MMP16: variants seen among roughly 807,000 people sequenced by gnomAD.
MMP16 encodes matrix metalloproteinase-16.
MMP16 carries 12 observed loss-of-function variants against 67.8 expected under a neutral mutation model. The observed-to-expected ratio is 0.18, with a 90% CI of 0.11 to 0.29. MMP16 has a LOEUF of 0.29. MMP16 is among the 10% of genes least tolerant of loss of function. The probability of loss-of-function intolerance (pLI) is 1.00; values close to 1 mark genes in which losing one functional copy is unlikely to be tolerated. For missense variants in MMP16, 475 were observed against 765.7 expected, an observed-to-expected ratio of 0.62 and a Z score of 4.48; for synonymous variants, 249 against 255.9, an observed-to-expected ratio of 0.97 and a Z score of 0.26.
intron 1 of MMP16, among the ~76,000 whole-genome samples, chr8:88,220,262 G>C (rs912749735): frequency 2.6e-5 from 4 of 152,004 alleles, no homozygotes; most frequent in African/African-American, 4.8e-5. Flanking sequence ...TTTATAGCTT[G>C]CTTTCACTAG....
In MMP16 at chr8:88,294,390, A is replaced by C. The variant is rs115675955; in HGVS notation, c.132+32685T>G. On this transcript the variant is annotated intron_variant, in intron 1 of 9. Coordinates refer to ENST00000286614, the MANE Select transcript of MMP16 (RefSeq NM_005941.5). ...GATATACACACATCTATACACACATATATACATATGTATATACATATATAC... is the reference window on the plus strand; with the variant it reads ...GATATACACACATCTATACACACATCTATACATATGTATATACATATATAC... Among the ~76,000 whole-genome samples the C allele has an allele frequency of 7.4e-3, 1,110 of 151,006 alleles. 10 individuals carry two copies. The highest frequency in any genetic ancestry group is 0.026 in the African/African-American group (1,058 of 41,044).
At chr8:88,284,452 G>T (rs1461813503) in intron 1 of MMP16, among the ~76,000 whole-genome samples, 1 of 151,974 alleles carries the variant, frequency 6.6e-6, no homozygotes, top group African/African-American at 2.4e-5. Context: ...CTGACTTTAA[G>T]AGAGAAGTTA....
chr8:88,245,155 T>C (rs1233169593), intron 1 of MMP16, among the ~76,000 whole-genome samples: 1 of 152,218 alleles, frequency 6.6e-6, no homozygotes, highest in Non-Finnish European at 1.5e-5. Context: ...CTAAAAGGTG[T>C]GACTCTCAAT....
At chr8:88,281,326 A>G (rs1810732341) in intron 1 of MMP16, among the ~76,000 whole-genome samples, 1 of 152,242 alleles carries the variant, frequency 6.6e-6, no homozygotes, top group Non-Finnish European at 1.5e-5. Context: ...GAGATCATGG[A>G]TGATGAGCTC....
At chr8:88,116,479 TAAA>T in intron 6 of MMP16, 25 bp downstream of exon 6, 1 of 1,267,508 alleles carries the variant, frequency 7.9e-7, no homozygotes, top group Admixed American at 2.0e-5. Flanking sequence ...GATCTACTGT[TAAA>T]AAAAAAAAAA....
rs1331588185 is a variant in MMP16, at chr8:88,035,350, T to G, written c.*6111A>C. 6.6e-6 allele frequency: 1 copy of G among 152,124 alleles called. No homozygotes were observed. The highest frequency in any genetic ancestry group is 6.6e-5 in the Admixed American group (1 of 15,244). 9.4% of individuals were successfully genotyped at this position (152,124 alleles called of 1,614,324 possible). A position where few individuals can be genotyped will look rare whatever the true frequency, so the allele number is the denominator to read the frequency against. ...ATGTATTTTCCTATACTGTTCAATG[T>G]GCCCTTTAATGTGAGGACACGCTGA... On this transcript the variant is annotated 3_prime_UTR_variant, in exon 10 of 10. Coordinates refer to ENST00000286614, the MANE Select transcript of MMP16 (RefSeq NM_005941.5). The surrounding 1 kb of genome is among the most constrained non-coding windows in gnomAD (Gnocchi z 4.7).
At chr8:88,138,336 T>C (rs1563543068) in intron 4 of MMP16, among the ~76,000 whole-genome samples, 1 of 152,016 alleles carries the variant, frequency 6.6e-6, no homozygotes, top group African/African-American at 2.4e-5. Context: ...TGTGCTAATG[T>C]AGTGCTTCCC....
At chr8:88,189,761 T>C (rs1406205527) in intron 2 of MMP16, among the ~76,000 whole-genome samples, 1 of 152,180 alleles carries the variant, frequency 6.6e-6, no homozygotes, top group Admixed American at 6.5e-5. Context: ...TTGTTCACCC[T>C]GAGAATCCTA....
chr8:88,074,655 C>T lies in MMP16; in HGVS notation c.1172G>A (p.Ser391Asn), dbSNP rs1057492560. ...GCTATTTTCATAAACTGCATCGATA[C>T]TAGGAGGCAAGCCCCGCCAGAAGTA... The part of the protein sequence containing the change: ...ITYFWRGLPP[S>N]IDAVYENSDG... The change falls in exon 7 of 10, where the codon AGT (serine) becomes AAT (asparagine). Residue 391 changes from serine to asparagine, a missense_variant. Around this residue, in one of 5 missense-constraint regions of MMP16, gnomAD observed 195 missense variants for 300.9 expected, o/e 0.65. Transcript: ENST00000286614. The T allele has an allele frequency of 1.9e-6, 3 of 1,613,568 alleles. No individual in the cohort carries two copies. The highest frequency in any genetic ancestry group is 2.7e-5 in the African/African-American group (2 of 74,854).
At position 88,096,628 on chromosome 8, in the gene MMP16, G is replaced by T. The variant is rs141761988; in HGVS notation, c.1083+19879C>A. Among the ~76,000 whole-genome samples, 848 of 151,914 alleles carry T rather than the reference G, an allele frequency of 5.6e-3. 5 individuals are homozygous for T. Among genetic ancestry groups the T allele is most frequent in the South Asian group, 0.013 (61 of 4,826 alleles). On this transcript the variant is annotated intron_variant, in intron 6 of 9. Transcript: ENST00000286614. ...TGAGGCCTTAGGTATGTAATTTACT[G>T]TTGGACTGAGTGTTATGTCTAAAGC...
intron 1 of MMP16, among the ~76,000 whole-genome samples, chr8:88,207,518 C>T (rs534268775): frequency 6.6e-6 from 1 of 151,964 alleles, no homozygotes; most frequent in Non-Finnish European, 1.5e-5. Flanking sequence ...ACCATGGAAC[C>T]CATACAAAGT....
At chr8:88,093,791 A>C (rs2118353831) in intron 6 of MMP16, among the ~76,000 whole-genome samples, 1 of 151,990 alleles carries the variant, frequency 6.6e-6, no homozygotes, top group South Asian at 2.1e-4. Context: ...CTGTTTCAGG[A>C]GTGTCTGGGT....
At chr8:88,147,001 T>C (rs983712602) in intron 4 of MMP16, among the ~76,000 whole-genome samples, 6 of 152,042 alleles carry the variant, frequency 3.9e-5, no homozygotes, top group Non-Finnish European at 8.8e-5. Flanking sequence ...TAAATTATTA[T>C]AAACTACAGA....
intron 6 of MMP16, among the ~76,000 whole-genome samples, chr8:88,107,746 T>A (rs1809267060): frequency 6.6e-6 from 1 of 151,158 alleles, no homozygotes; most frequent in East Asian, 1.9e-4. Context: ...TGTGTTGAGA[T>A]TGTTTCTTTT....
intron 1 of MMP16, among the ~76,000 whole-genome samples, chr8:88,271,118 A>C (rs1810556209): frequency 6.6e-6 from 1 of 152,234 alleles, no homozygotes; most frequent in Non-Finnish European, 1.5e-5. Context: ...TGAATGAAGT[A>C]AAACATGATA....
intron 4 of MMP16, among the ~76,000 whole-genome samples, chr8:88,148,384 T>C (rs997601781): frequency 6.6e-6 from 1 of 152,222 alleles, no homozygotes; most frequent in African/African-American, 2.4e-5. Flanking sequence ...GTGTTAGTGA[T>C]CTTTGCTCCT....
intron 7 of MMP16, chr8:88,069,182 C>G (rs1380824184): frequency 3.6e-6 from 1 of 279,036 alleles, no homozygotes; most frequent in African/African-American, 2.3e-5. Context: ...ACTGAACCCT[C>G]TGACCCATGA....
intron 2 of MMP16, 150 bp downstream of exon 2, chr8:88,197,008 G>T: frequency 1.5e-6 from 1 of 664,088 alleles, no homozygotes; most frequent in Non-Finnish European, 2.4e-6. Flanking sequence ...AATATTGGAG[G>T]AGTGGGGTTA....
chr8:88,263,985 AGAGTGT>A (rs1810431313), intron 1 of MMP16, among the ~76,000 whole-genome samples: 1 of 105,314 alleles, frequency 9.5e-6, no homozygotes, highest in African/African-American at 3.1e-5. Context: ...AGAGAGAGAG[AGAGTGT>A]GTGTGTGTGT....
Sources: allele counts gnomAD v4.1 joint callset (sites outside exome capture counted in the v4.1 genomes callset), GRCh38; gene constraint gnomAD v4.1.1; regional missense constraint gnomAD v4.1.1; non-coding constraint Gnocchi (gnomAD v3.1); transcripts MANE v1.5; gene names NCBI Gene and HGNC (gene_info 2026-07-23, HGNC 2026-07-21).